The following COLEC12 variants were observed in gnomAD, a reference collection of about 807,000 sequenced individuals.
The protein encoded by COLEC12 is collectin-12.
COLEC12 carries 33 observed loss-of-function variants against 71.1 expected under a neutral mutation model. The observed-to-expected ratio is 0.46, with a 90% CI of 0.35 to 0.62. COLEC12 has a LOEUF of 0.62. Among genes scored for constraint, COLEC12 ranks in the 20% least tolerant of loss-of-function variants. The probability of loss-of-function intolerance (pLI) is 0.00; values close to 1 mark genes in which losing one functional copy is unlikely to be tolerated. For synonymous variants in COLEC12, 350 were observed against 353.0 expected, an observed-to-expected ratio of 0.99 and a Z score of 0.10; for missense variants, 765 against 916.1, an observed-to-expected ratio of 0.84 and a Z score of 2.13.
Position 319,339 on chromosome 18 carries a change from A to ATATATATATAT in COLEC12, c.*705_*706insATATATATATA, listed in dbSNP as rs57135576. On this transcript the variant is annotated 3_prime_UTR_variant, in exon 10 of 10. Coordinates refer to ENST00000400256, the MANE Select transcript of COLEC12 (RefSeq NM_130386.3). ...GAAACATTAAAAAAAAAAAAAAAAA[A>ATATATATATAT]AAATATATATATATATATATATATA... The ATATATATATAT allele has an allele frequency of 2.5e-5, 1 of 40,542 alleles. No homozygotes were observed. Among genetic ancestry groups the ATATATATATAT allele is most frequent in the African/African-American group, 6.2e-5 (1 of 16,166 alleles). 2.5% of individuals were successfully genotyped at this position (40,542 alleles called of 1,614,324 possible).
At chr18:374,204 G>A (rs1324638827) in intron 2 of COLEC12, among the ~76,000 whole-genome samples, 2 of 152,152 alleles carry the variant, frequency 1.3e-5, no homozygotes, top group Non-Finnish European at 2.9e-5. Flanking sequence ...ACACCTCGAT[G>A]TCCTCAAAAA....
intron 2 of COLEC12, among the ~76,000 whole-genome samples, chr18:390,285 T>C (rs1052435848): frequency 4.6e-5 from 7 of 151,070 alleles, no homozygotes; most frequent in Non-Finnish European, 3.0e-5. Flanking sequence ...AGATGGGCCA[T>C]ACCTCTCCTC....
chr18:393,535 T>C (rs1045389748), intron 2 of COLEC12, among the ~76,000 whole-genome samples: 2 of 152,346 alleles, frequency 1.3e-5, no homozygotes. Context: ...CATGAATCTA[T>C]GATCCCATCA....
At chr18:445,638 T>TTTC (rs1190090527) in intron 2 of COLEC12, among the ~76,000 whole-genome samples, 2 of 151,036 alleles carry the variant, frequency 1.3e-5, no homozygotes. Flanking sequence ...TAATCCACTT[T>TTTC]TTTTTTTTTT....
intron 2 of COLEC12, among the ~76,000 whole-genome samples, chr18:461,289 ATATTT>A (rs1354832786): frequency 6.6e-6 from 1 of 151,818 alleles, no homozygotes; most frequent in East Asian, 1.9e-4. Flanking sequence ...TTTTAATAAT[ATATTT>A]TATTTAACCC....
rs780322782 is a variant in COLEC12, at chr18:436,339, C to G, written c.58+44368G>C. Among the ~76,000 whole-genome samples the G allele has an allele frequency of 5.9e-5, 9 of 152,084 alleles. No homozygotes were observed. In the South Asian group the frequency reaches 1.9e-3, roughly 32 times the overall value. ...CAGCCTGACCAACATGGTGAAACCC[C>G]GTCTCTAATAAAAATATGAAAATTA... On this transcript the variant is annotated intron_variant, in intron 2 of 9. Coordinates refer to ENST00000400256, the MANE Select transcript of COLEC12 (RefSeq NM_130386.3).
chr18:500,621 C>A lies in COLEC12; in HGVS notation c.-107G>T. The A allele has an allele frequency of 1.0e-6, 1 of 957,990 alleles. No individual in the cohort carries two copies. The highest frequency in any genetic ancestry group is 1.3e-6 in the Non-Finnish European group (1 of 756,106). The allele number at this position is 957,990 out of a possible 1,614,324, so 59.3% of individuals were successfully genotyped here. ...CACCGCACGCCCATGGTAGCCGCGC[C>A]GCGCGCCGGCCGTCTGCGCCCCCGT... On this transcript the variant is annotated 5_prime_UTR_variant, in exon 1 of 10. Transcript: ENST00000400256. The surrounding 1 kb of genome is among the most constrained non-coding windows in gnomAD (Gnocchi z 5.3).
intron 5 of COLEC12, among the ~76,000 whole-genome samples, chr18:338,819 A>T (rs1319147422): frequency 6.6e-6 from 1 of 152,222 alleles, no homozygotes; most frequent in African/African-American, 2.4e-5. Flanking sequence ...CAAAACAAAA[A>T]ATTCTAGTGT....
At chr18:436,981 A>C (rs1245439255) in intron 2 of COLEC12, among the ~76,000 whole-genome samples, 1 of 152,250 alleles carries the variant, frequency 6.6e-6, no homozygotes, top group Non-Finnish European at 1.5e-5. Flanking sequence ...TGTCTAGTTC[A>C]TAACACACAA....
chr18:475,513 A>C (rs1176005727), intron 2 of COLEC12, among the ~76,000 whole-genome samples: 1 of 152,202 alleles, frequency 6.6e-6, no homozygotes, highest in Admixed American at 6.5e-5. Flanking sequence ...GAGGGGAGAC[A>C]GGCAGCCTGC....
intron 2 of COLEC12, among the ~76,000 whole-genome samples, chr18:478,043 G>A (rs1318109189): frequency 6.6e-6 from 1 of 152,176 alleles, no homozygotes; most frequent in African/African-American, 2.4e-5. Flanking sequence ...AAGAATCAGA[G>A]TCCTAGCCCT....
chr18:406,311 C>T (rs1445831734), intron 2 of COLEC12, among the ~76,000 whole-genome samples: 2 of 151,940 alleles, frequency 1.3e-5, no homozygotes, highest in Non-Finnish European at 2.9e-5. Flanking sequence ...AGATCGAGAC[C>T]ATCCTGGCTA....
intron 2 of COLEC12, among the ~76,000 whole-genome samples, chr18:375,349 C>T (rs1244981828): frequency 6.6e-6 from 1 of 152,222 alleles, no homozygotes; most frequent in African/African-American, 2.4e-5. Context: ...GGACACTCTC[C>T]TGTGGGTACC....
At chr18:364,325 C>T (rs937368061) in intron 2 of COLEC12, among the ~76,000 whole-genome samples, 3 of 152,130 alleles carry the variant, frequency 2.0e-5, no homozygotes, top group Non-Finnish European at 4.4e-5. Context: ...CTCAAAAGAA[C>T]GCCATTATTT....
intron 2 of COLEC12, among the ~76,000 whole-genome samples, chr18:463,668 C>A (rs913551900): frequency 6.6e-6 from 1 of 152,138 alleles, no homozygotes; most frequent in African/African-American, 2.4e-5. Flanking sequence ...CCAGCGACAT[C>A]TCGGAGTCAC....
At chr18:461,535 C>T (rs75809738) in intron 2 of COLEC12, among the ~76,000 whole-genome samples, 5,463 of 152,296 alleles carry the variant, frequency 0.036, 150 homozygotes, top group East Asian at 0.11. Context: ...CACAGGCATA[C>T]ACCACCATGT....
chr18:483,233 C>T (rs1335587129), intron 1 of COLEC12, among the ~76,000 whole-genome samples: 1 of 151,926 alleles, frequency 6.6e-6, no homozygotes, highest in Non-Finnish European at 1.5e-5. Context: ...AACCCCATCT[C>T]TACTAAAAAT....
chr18:358,682 C>T (rs907492830), intron 2 of COLEC12, among the ~76,000 whole-genome samples: 2 of 152,158 alleles, frequency 1.3e-5, no homozygotes, highest in Non-Finnish European at 2.9e-5. Flanking sequence ...CAGTCCAGTT[C>T]CTAACAGGTA....
intron 2 of COLEC12, among the ~76,000 whole-genome samples, chr18:396,247 C>CA (rs1915568923): frequency 6.6e-6 from 1 of 152,146 alleles, no homozygotes; most frequent in Non-Finnish European, 1.5e-5. Context: ...TGAGTTTCTG[C>CA]AAACAAACAG....
Sources: allele counts gnomAD v4.1 joint callset (sites outside exome capture counted in the v4.1 genomes callset), GRCh38; gene constraint gnomAD v4.1.1; non-coding constraint Gnocchi (gnomAD v3.1); transcripts MANE v1.5; gene names NCBI Gene and HGNC (gene_info 2026-07-23, HGNC 2026-07-21).